Variants in SMYD2 observed in about 807,000 individuals in gnomAD.
The protein encoded by SMYD2 is SET and MYND domain containing 2.
In SMYD2, 53 loss-of-function variants were observed where a neutral mutation model predicts 59.1. The observed-to-expected ratio is 0.90, with a 90% CI of 0.72 to 1.13. The LOEUF is 1.13. Among genes scored for constraint, SMYD2 ranks in the 50% most tolerant of loss-of-function variants. The pLI is 0.00. For synonymous variants in SMYD2, 208 were observed against 198.8 expected (o/e 1.05, Z -0.39); for missense variants, 494 against 544.7 (o/e 0.91, Z 0.93).
intron 11 of SMYD2, among the ~76,000 whole-genome samples, chr1:214,336,332 A>G (rs900367741): frequency 2.0e-5 from 3 of 152,156 alleles, no homozygotes; most frequent in Non-Finnish European, 2.9e-5. Context: ...GGAGATCGAG[A>G]CCATCCTGGC....
At chr1:214,303,161 A>C (rs1656853715) in intron 1 of SMYD2, among the ~76,000 whole-genome samples, 1 of 152,180 alleles carries the variant, frequency 6.6e-6, no homozygotes, top group Admixed American at 6.5e-5. Flanking sequence ...ATAAAAACAA[A>C]TATTAAAGAT....
intron 5 of SMYD2, among the ~76,000 whole-genome samples, chr1:214,322,188 A>G (rs1156920138): frequency 1.3e-5 from 2 of 152,218 alleles, no homozygotes; most frequent in African/African-American, 2.4e-5. Context: ...TTCTGAAAAC[A>G]TTTGTACCAG....
intron 1 of SMYD2, among the ~76,000 whole-genome samples, chr1:214,304,507 C>G (rs1656884333): frequency 7.9e-6 from 1 of 126,506 alleles, no homozygotes; most frequent in Admixed American, 9.5e-5. Context: ...TGTAGTGAGC[C>G]AGAATCATGC....
chr1:214,289,303 C>G (rs185860828), intron 1 of SMYD2, among the ~76,000 whole-genome samples: 1 of 152,146 alleles, frequency 6.6e-6, no homozygotes, highest in Non-Finnish European at 1.5e-5. Context: ...CTGCTTTGAA[C>G]TTAGGTTAAT....
At chr1:214,336,525 C>CCAGA (rs1657441847) in intron 11 of SMYD2, among the ~76,000 whole-genome samples, 179 bp from the exon 12 acceptor site, 1 of 151,858 alleles carries the variant, frequency 6.6e-6, no homozygotes, top group South Asian at 2.2e-4. Flanking sequence ...GAGCGAGACT[C>CCAGA]CGTCTCAAAA....
At chr1:214,286,867 T>TC (rs796843419) in intron 1 of SMYD2, among the ~76,000 whole-genome samples, 149 of 151,412 alleles carry the variant, frequency 9.8e-4, no homozygotes, top group African/African-American at 3.4e-3. Flanking sequence ...TTTTTTTTTT[T>TC]TGAGATGGAG....
chr1:214,322,277 T>C (rs1394521634), intron 5 of SMYD2, among the ~76,000 whole-genome samples: 3 of 152,224 alleles, frequency 2.0e-5, no homozygotes, highest in African/African-American at 7.2e-5. Flanking sequence ...CGGATACAGG[T>C]CATGCTCCGG....
intron 8 of SMYD2, 28 bp from the exon 9 acceptor site, chr1:214,330,922 G>A (rs779917865): frequency 6.8e-6 from 11 of 1,613,500 alleles, no homozygotes; most frequent in South Asian, 5.5e-5. Flanking sequence ...GGGCGGTAAC[G>A]CCTTGCCCTT....
Position 214,314,768 on chromosome 1 carries a change from G to C in SMYD2, c.244G>C (p.Asp82His). 3 of 1,613,250 alleles carry C rather than the reference G, an allele frequency of 1.9e-6. 1 individual carries two copies. In the South Asian group the frequency reaches 3.3e-5, roughly 18 times the overall value. The change falls in exon 3 of 12, where the codon GAT (aspartate) becomes CAT (histidine). Residue 82 changes from aspartate (D) to histidine (H), a missense_variant. Asp to His is a moderately conservative substitution (Grantham distance 81). Transcript: ENST00000366957. ...FYCNVECQKE[D>H]WPMHKLECSP... ...TTTTTTTCAATCTTCCCAGAAAGAAGATTGGCCCATGCACAAGCTGGAATG... is the reference window on the plus strand; with the variant it reads ...TTTTTTTCAATCTTCCCAGAAAGAACATTGGCCCATGCACAAGCTGGAATG...
chr1:214,320,929 A>G (rs1054656246), intron 5 of SMYD2, among the ~76,000 whole-genome samples: 1 of 152,226 alleles, frequency 6.6e-6, no homozygotes, highest in Non-Finnish European at 1.5e-5. Flanking sequence ...TGAGGAATCA[A>G]CTTCTCTTAC....
chr1:214,308,700 A>G (rs1483540598), intron 2 of SMYD2, among the ~76,000 whole-genome samples: 1 of 152,178 alleles, frequency 6.6e-6, no homozygotes, highest in Admixed American at 6.5e-5. Context: ...GCCACACAGC[A>G]GATGGTGGAG....
At chr1:214,299,832 TCCTGACCTCGTGATCTC>T (rs1656793466) in intron 1 of SMYD2, among the ~76,000 whole-genome samples, 2 of 152,128 alleles carry the variant, frequency 1.3e-5, no homozygotes, top group Non-Finnish European at 2.9e-5. Context: ...GGTCTTGATC[TCCTGACCTCGTGATCTC>T]CCCTCCTCGG....
intron 1 of SMYD2, among the ~76,000 whole-genome samples, chr1:214,300,414 G>A (rs1336759784): frequency 6.6e-6 from 1 of 152,016 alleles, no homozygotes; most frequent in African/African-American, 2.4e-5. Flanking sequence ...AAGTGAAATG[G>A]GTTCCTGGAG....
chr1:214,293,764 C>T (rs1454782948), intron 1 of SMYD2, among the ~76,000 whole-genome samples: 1 of 152,150 alleles, frequency 6.6e-6, no homozygotes, highest in East Asian at 1.9e-4. Context: ...GCAACCTCCG[C>T]CTCCCAGGTT....
intron 9 of SMYD2, chr1:214,331,302 TGTG>T: frequency 2.0e-6 from 1 of 510,096 alleles, no homozygotes; most frequent in South Asian, 2.2e-5. Flanking sequence ...GGGAGCCCCA[TGTG>T]GTGGAGGACC....
intron 2 of SMYD2, among the ~76,000 whole-genome samples, chr1:214,313,945 G>A (rs1169430548): frequency 3.9e-5 from 6 of 152,122 alleles, no homozygotes; most frequent in Non-Finnish European, 5.9e-5. Flanking sequence ...TTGGGAGGCC[G>A]AAGCAGGTGG....
chr1:214,283,977 G>A (rs953523947), intron 1 of SMYD2, among the ~76,000 whole-genome samples: 1 of 152,168 alleles, frequency 6.6e-6, no homozygotes, highest in Admixed American at 6.5e-5. Context: ...AATGTCTTAA[G>A]TCTCAACAGA....
chr1:214,304,308 C>T (rs1656880374), intron 1 of SMYD2, among the ~76,000 whole-genome samples: 1 of 151,958 alleles, frequency 6.6e-6, no homozygotes, highest in South Asian at 2.1e-4. Flanking sequence ...CCTATAATAC[C>T]AGCACTTTGG....
At chr1:214,330,688 G>A (rs1657338386) in intron 8 of SMYD2, among the ~76,000 whole-genome samples, 1 of 152,216 alleles carries the variant, frequency 6.6e-6, no homozygotes, top group South Asian at 2.1e-4. Flanking sequence ...TCGTAGATGT[G>A]TAAACACATA....
Sources: gnomAD v4.1 joint callset for allele counts (sites outside exome capture counted in the v4.1 genomes callset) on GRCh38, gnomAD v4.1.1 for gene constraint, MANE v1.5 for transcripts, NCBI Gene and HGNC (gene_info 2026-07-23, HGNC 2026-07-21) for gene names.